The following CRLS1 variants were observed in gnomAD, a reference collection of about 807,000 sequenced individuals.
CRLS1 encodes the protein cardiolipin synthase 1.
Under a neutral mutation model 37.0 loss-of-function variants are expected in CRLS1, and 24 were observed. The observed-to-expected ratio is 0.65, with a 90% CI of 0.47 to 0.91. The LOEUF (loss-of-function observed/expected upper bound fraction) is 0.91. Among genes scored for constraint, CRLS1 ranks in the 40% least tolerant of loss-of-function variants. The pLI, the probability that CRLS1 is intolerant of heterozygous loss-of-function variation, is 0.00. For synonymous variants in CRLS1, 135 were observed against 159.7 expected (o/e 0.85, Z 1.17); for missense variants, 373 against 395.8 (o/e 0.94, Z 0.49).
chr20:6,019,679 T>C (rs927450655), intron 3 of CRLS1, among the ~76,000 whole-genome samples: 21 of 142,522 alleles, frequency 1.5e-4, no homozygotes, highest in African/African-American at 5.3e-4. Context: ...TTTGCTGTTC[T>C]TTTTCGAAAT....
chr20:6,023,638 G>T (rs369989772), intron 3 of CRLS1, among the ~76,000 whole-genome samples: 3 of 144,948 alleles, frequency 2.1e-5, no homozygotes, highest in Non-Finnish European at 3.0e-5. Flanking sequence ...AAAAATCTTT[G>T]TTTTTTTTTT....
At chr20:6,010,053 C>T in intron 2 of CRLS1, 141 bp downstream of exon 2, 1 of 700,648 alleles carries the variant, frequency 1.4e-6, no homozygotes, top group Non-Finnish European at 2.1e-6. Flanking sequence ...TTTGTGAGGA[C>T]TTTGTCTTTA....
At chr20:6,022,784 G>A (rs1404435507) in intron 3 of CRLS1, among the ~76,000 whole-genome samples, 3 of 152,048 alleles carry the variant, frequency 2.0e-5, no homozygotes, top group Non-Finnish European at 4.4e-5. Context: ...TTTTCAATCT[G>A]TGCATTATAT....
At chr20:6,017,205 G>A (rs1329416762) in intron 3 of CRLS1, among the ~76,000 whole-genome samples, 1 of 152,042 alleles carries the variant, frequency 6.6e-6, no homozygotes, top group African/African-American at 2.4e-5. Flanking sequence ...CAGGCTGGAG[G>A]CATAATTTTT....
At chr20:6,016,212 A>C (rs1978736354) in intron 3 of CRLS1, among the ~76,000 whole-genome samples, 1 of 152,176 alleles carries the variant, frequency 6.6e-6, no homozygotes, top group Non-Finnish European at 1.5e-5. Flanking sequence ...AAAGAAAGAA[A>C]TTGTATCTGA....
intron 3 of CRLS1, among the ~76,000 whole-genome samples, chr20:6,023,638 G>GTTT (rs11480139): frequency 6.9e-6 from 1 of 144,922 alleles, no homozygotes; most frequent in Non-Finnish European, 1.5e-5. Context: ...AAAAATCTTT[G>GTTT]TTTTTTTTTT....
At chr20:6,013,458 CAG>C (rs930986354) in intron 2 of CRLS1, among the ~76,000 whole-genome samples, 1 of 151,880 alleles carries the variant, frequency 6.6e-6, no homozygotes, top group African/African-American at 2.4e-5. Flanking sequence ...AGGCAGGTCA[CAG>C]AAGGTGAGAG....
intron 3 of CRLS1, among the ~76,000 whole-genome samples, chr20:6,022,933 CTG>C (rs1264281632): frequency 6.6e-6 from 1 of 152,058 alleles, no homozygotes; most frequent in African/African-American, 2.4e-5. Context: ...TGGGTTTTTT[CTG>C]TGTTAGCTCA....
chr20:6,008,891 G>T (rs954333976), intron 1 of CRLS1, among the ~76,000 whole-genome samples: 5 of 152,162 alleles, frequency 3.3e-5, no homozygotes, highest in Admixed American at 2.0e-4. Flanking sequence ...GACACTGTTT[G>T]TCTATTTACA....
Position 6,031,309 on chromosome 20 carries a change from C to T in CRLS1, c.599C>T (p.Ser200Leu), listed in dbSNP as rs771270190. The T allele has an allele frequency of 1.1e-4, 184 of 1,606,712 alleles. No individual in the cohort carries two copies. Among genetic ancestry groups the T allele is most frequent in the Non-Finnish European group, 1.5e-4 (177 of 1,176,614 alleles). ...GTTCCACTTACTTACATGATCATTT[C>T]GAGAGATGTAATGTTGATTGCTGCT... ...IPVPLTYMII[S>L]RDVMLIAAVF... The change falls in exon 4 of 7, where the codon TCG becomes TTG. Residue 200 changes from serine (S) to leucine (L), a missense_variant. Ser to Leu is a moderately radical substitution (Grantham distance 145, BLOSUM62 -2). Transcript: ENST00000378863.
At chr20:6,021,098 G>A (rs1445637993) in intron 3 of CRLS1, among the ~76,000 whole-genome samples, 4 of 134,566 alleles carry the variant, frequency 3.0e-5, no homozygotes, top group Admixed American at 8.2e-5. Context: ...ACGGAGTCTC[G>A]CTCTGTCTCC....
At chr20:6,018,162 G>A (rs914764910) in intron 3 of CRLS1, among the ~76,000 whole-genome samples, 3 of 137,248 alleles carry the variant, frequency 2.2e-5, no homozygotes, top group African/African-American at 8.6e-5. Flanking sequence ...GTTGCAATGA[G>A]CCGAGATTAT....
intron 1 of CRLS1, chr20:6,006,834 G>C: frequency 1.0e-6 from 1 of 984,690 alleles, no homozygotes; most frequent in Non-Finnish European, 1.2e-6. Context: ...CATTGATAAA[G>C]GTAGCCTTCG....
chr20:6,013,071 G>A (rs1448647304), intron 2 of CRLS1, among the ~76,000 whole-genome samples: 1 of 152,052 alleles, frequency 6.6e-6, no homozygotes, highest in Non-Finnish European at 1.5e-5. Context: ...TGCTTTGTAG[G>A]GGGATAGAGA....
At chr20:6,012,214 C>T (rs530900543) in intron 2 of CRLS1, among the ~76,000 whole-genome samples, 2 of 152,228 alleles carry the variant, frequency 1.3e-5, no homozygotes, top group South Asian at 4.1e-4. Flanking sequence ...GGGAGGTGGT[C>T]GGACTCATCA....
chr20:6,011,923 A>AT (rs1163355056), intron 2 of CRLS1, among the ~76,000 whole-genome samples: 1 of 151,238 alleles, frequency 6.6e-6, no homozygotes, highest in Non-Finnish European at 1.5e-5. Context: ...TTCATTGTTA[A>AT]TATTATCTCC....
intron 1 of CRLS1, among the ~76,000 whole-genome samples, chr20:6,009,540 T>C (rs1165402225): frequency 6.6e-6 from 1 of 152,194 alleles, no homozygotes; most frequent in Admixed American, 6.5e-5. Flanking sequence ...GTGCAGGGAT[T>C]ATAGGCGTGA....
chr20:6,007,591 A>G (rs184439829), intron 1 of CRLS1, among the ~76,000 whole-genome samples: 2 of 152,202 alleles, frequency 1.3e-5, no homozygotes, highest in African/African-American at 2.4e-5. Context: ...AAATGAAATG[A>G]TGTTTCTGTT....
rs1980809480 is a variant in CRLS1 at position 6,039,348 on chromosome 20, T to G, written c.*2190T>G. The G allele has an allele frequency of 6.6e-6, 1 of 151,994 alleles. No homozygotes were observed. Among genetic ancestry groups the G allele is most frequent in the Non-Finnish European group, 1.5e-5 (1 of 67,998 alleles). The allele number at this position is 151,994 out of a possible 1,614,324, so 9.4% of individuals were successfully genotyped here. On this transcript the variant is annotated 3_prime_UTR_variant, in exon 7 of 7. Transcript: ENST00000378863. ...GCCCACAACATCATAGCTTTGCAGT[T>G]TTTAACCAGGAGCTGGTGGAGATCT...
Sources: gnomAD v4.1 joint callset for allele counts (sites outside exome capture counted in the v4.1 genomes callset) on GRCh38, gnomAD v4.1.1 for gene constraint, MANE v1.5 for transcripts, NCBI Gene and HGNC (gene_info 2026-07-23, HGNC 2026-07-21) for gene names.